Variants in GLRX2 observed in about 807,000 individuals in gnomAD.
GLRX2 encodes glutaredoxin 2, also known as bA101E13.1 (GRX2 glutaredoxin (thioltransferase) 2).
Under a neutral mutation model 16.4 loss-of-function variants are expected in GLRX2, and 12 were observed. That is an observed-to-expected ratio of 0.73 (90% CI 0.47 to 1.19). The LOEUF is 1.19. GLRX2 is among the 50% of genes most tolerant of loss of function. The pLI is 0.00. For missense variants in GLRX2, 201 were observed against 201.8 expected, an observed-to-expected ratio of 1.00 and a Z score of 0.02; for synonymous variants, 95 against 76.2, an observed-to-expected ratio of 1.25 and a Z score of -1.28.
upstream of GLRX2, chr1:193,106,001 T>A (rs1237414128): frequency 1.6e-5 from 13 of 813,602 alleles, no homozygotes; most frequent in Middle Eastern, 6.2e-4. Context: ...AAAAAAAAAA[T>A]TAGGAAACAA....
At chr1:193,106,033 G>C (rs1675195120), upstream of GLRX2, 1 of 988,670 alleles carries the variant, frequency 1.0e-6, no homozygotes, top group Non-Finnish European at 1.2e-6. Context: ...TTAGCACAGA[G>C]ATGTTTCACC....
At chr1:193,098,637 C>T (rs937070080) in intron 2 of GLRX2, among the ~76,000 whole-genome samples, 23 of 152,118 alleles carry the variant, frequency 1.5e-4, no homozygotes, top group Admixed American at 6.5e-5. Flanking sequence ...CAGCAACCTG[C>T]GCCTCCCAGG....
upstream of GLRX2, chr1:193,105,933 A>G: frequency 9.5e-7 from 1 of 1,047,992 alleles, no homozygotes; most frequent in Non-Finnish European, 1.1e-6. Flanking sequence ...AAAAGAAAAA[A>G]TCCGGTGTTG....
intron 2 of GLRX2, among the ~76,000 whole-genome samples, chr1:193,098,896 G>A (rs1026984855): frequency 6.6e-6 from 1 of 152,188 alleles, no homozygotes; most frequent in African/African-American, 2.4e-5. Context: ...GTATTCAGGA[G>A]TTAACTCCTT....
intron 2 of GLRX2, among the ~76,000 whole-genome samples, chr1:193,098,228 A>G (rs1218040851): frequency 6.6e-6 from 1 of 152,194 alleles, no homozygotes; most frequent in Non-Finnish European, 1.5e-5. Flanking sequence ...TCTACAGTCC[A>G]GATATTTAAT....
intron 1 of GLRX2, 65 bp from the exon 2 acceptor site, chr1:193,101,269 A>G: frequency 9.2e-7 from 1 of 1,089,598 alleles, no homozygotes; most frequent in South Asian, 1.4e-5. Context: ...CACGAGTTTT[A>G]TTTGAAAAAA....
At chr1:193,099,296 G>A (rs1675025404) in intron 2 of GLRX2, among the ~76,000 whole-genome samples, 1 of 151,880 alleles carries the variant, frequency 6.6e-6, no homozygotes, top group South Asian at 2.1e-4. Flanking sequence ...AAAAGATTTT[G>A]AATGGATAGA....
At chr1:193,099,500 C>G (rs1675030603) in intron 2 of GLRX2, among the ~76,000 whole-genome samples, 1 of 151,930 alleles carries the variant, frequency 6.6e-6, no homozygotes, top group African/African-American at 2.4e-5. Flanking sequence ...GTCACCACAC[C>G]TCGATATTTT....
chr1:193,098,161 T>C (rs1441594902), intron 2 of GLRX2, among the ~76,000 whole-genome samples: 1 of 152,192 alleles, frequency 6.6e-6, no homozygotes, highest in Non-Finnish European at 1.5e-5. Context: ...CAACAATTTG[T>C]TCATGGTTCT....
Position 193,096,679 on chromosome 1 carries a change from G to T in GLRX2, c.441C>A (p.Leu147=). The T allele has an allele frequency of 1.2e-6, 2 of 1,601,096 alleles. No individual in the cohort carries two copies. Among genetic ancestry groups the T allele is most frequent in the Non-Finnish European group, 1.7e-6 (2 of 1,168,660 alleles). ...THRLHKEGKL[L]PLVHQCYLKK... Reference sequence around the variant, plus strand: ...TTAAATAACACTGATGAACTAGTGGGAGCAATTTTCCTTCTTTGTGAAGCC... The same window carrying T: ...TTAAATAACACTGATGAACTAGTGGTAGCAATTTTCCTTCTTTGTGAAGCC... Residue 147 remains leucine (L), a synonymous_variant, in exon 4 of 4, where the codon CTC becomes CTA. Coordinates refer to ENST00000367439, the MANE Select transcript of GLRX2 (RefSeq NM_197962.3).
chr1:193,103,830 T>C (rs1366032940), intron 1 of GLRX2, among the ~76,000 whole-genome samples: 1 of 151,236 alleles, frequency 6.6e-6, no homozygotes, highest in Non-Finnish European at 1.5e-5. Context: ...AAAAGTCCTG[T>C]GCGCTTAACT....
upstream of GLRX2, chr1:193,105,683 A>G (rs755758750): frequency 2.3e-5 from 36 of 1,563,492 alleles, no homozygotes; most frequent in Admixed American, 1.8e-4. Context: ...GACGCTCATA[A>G]AGGCTCCCAG....
chr1:193,102,078 A>C (rs955342538), intron 1 of GLRX2, among the ~76,000 whole-genome samples: 1 of 152,212 alleles, frequency 6.6e-6, no homozygotes, highest in Non-Finnish European at 1.5e-5. Flanking sequence ...ATCTTACAAG[A>C]GGATTATGAC....
intron 3 of GLRX2, among the ~76,000 whole-genome samples, chr1:193,097,243 C>G (rs890382203): frequency 2.0e-5 from 3 of 152,180 alleles, no homozygotes; most frequent in African/African-American, 7.2e-5. Flanking sequence ...TAAAGCACTC[C>G]TATTAGAAAA....
chr1:193,098,434 G>C (rs1313043583), intron 2 of GLRX2, among the ~76,000 whole-genome samples: 1 of 152,130 alleles, frequency 6.6e-6, no homozygotes, highest in Non-Finnish European at 1.5e-5. Context: ...CAGCTACTCA[G>C]AAGGCTGAGG....
chr1:193,104,875 A>C lies in GLRX2; in HGVS notation c.119+389T>G, dbSNP rs1048745813. On this transcript the variant is annotated intron_variant, in intron 1 of 3. Transcript: ENST00000367439. ...CCGGTCAAATTAGAATTGTAACCAA[A>C]CACCAGAAAACTGTTCCGTTTTTCC... Among the ~76,000 whole-genome samples the C allele has an allele frequency of 5.9e-5, 9 of 152,358 alleles. No homozygotes were observed. The South Asian group carries it at 8.3e-4, about 14-fold the overall frequency.
chr1:193,097,898 C>G (rs1414628856), intron 2 of GLRX2, 138 bp from the exon 3 acceptor site: 2 of 530,106 alleles, frequency 3.8e-6, no homozygotes, highest in Non-Finnish European at 6.4e-6. Context: ...TTTTTCTCAT[C>G]TGCAGATTGA....
chr1:193,103,887 G>C (rs1675128754), intron 1 of GLRX2, among the ~76,000 whole-genome samples: 1 of 152,198 alleles, frequency 6.6e-6, no homozygotes, highest in South Asian at 2.1e-4. Context: ...CAGCCAACCT[G>C]AGAGGAGGGT....
intron 3 of GLRX2, 119 bp from the exon 4 acceptor site, chr1:193,096,878 C>T (rs1271840421): frequency 1.5e-6 from 1 of 671,620 alleles, no homozygotes; most frequent in East Asian, 2.7e-5. Context: ...CCACAAAGCT[C>T]TTTCACAAAT....
Sources: allele counts gnomAD v4.1 joint callset (sites outside exome capture counted in the v4.1 genomes callset), GRCh38; gene constraint gnomAD v4.1.1; transcripts MANE v1.5; gene names NCBI Gene and HGNC (gene_info 2026-07-23, HGNC 2026-07-21).